The following NSMF variants were observed in gnomAD, a reference collection of about 807,000 sequenced individuals.
NSMF encodes the protein NMDA receptor synaptonuclear signaling and neuronal migration factor, also known as nasal embryonic LHRH factor.
A neutral mutation model predicts 71.0 loss-of-function variants in NSMF; 31 were observed. The ratio of observed to expected loss-of-function variants is 0.44; its 90% CI spans 0.33 to 0.59. The LOEUF is 0.59. NSMF is among the 20% of genes least tolerant of loss of function. The probability of loss-of-function intolerance (pLI) is 0.04; values close to 1 mark genes in which losing one functional copy is unlikely to be tolerated. For missense variants in NSMF, 673 were observed against 740.5 expected, an observed-to-expected ratio of 0.91 and a Z score of 1.06; for synonymous variants, 345 against 287.1, an observed-to-expected ratio of 1.20 and a Z score of -2.04.
chr9:137,455,059 A>G, intron 6 of NSMF, 180 bp downstream of exon 6: 3 of 762,874 alleles, frequency 3.9e-6, no homozygotes, highest in South Asian at 2.9e-5. Context: ...ACTGAGGGTG[A>G]GATGCTTTCC....
chr9:137,457,392 A>C lies in NSMF; in HGVS notation c.628+15T>G, dbSNP rs1469548079. The C allele has an allele frequency of 2.5e-6, 4 of 1,612,720 alleles. No homozygotes were observed. The highest frequency in any genetic ancestry group is 3.4e-6 in the Non-Finnish European group (4 of 1,179,966). On this transcript the variant is annotated intron_variant, in intron 3 of 15. Coordinates refer to ENST00000371475, the MANE Select transcript of NSMF (RefSeq NM_001130969.3). ...CACCCCCAAACCTGTCTATGCCCTG[A>C]CACAAACCCCTCACCAGACACACGG...
rs1831041305 is a variant in NSMF at position 137,459,091 on chromosome 9, G to A, written c.12C>T (p.Ala4=). The change falls in exon 1 of 16, where the codon GCC becomes GCT. Residue 4 remains alanine (A), a synonymous_variant. Transcript: ENST00000371475. The part of the protein sequence containing the change: MGA[A]ASRRRALRSE... ...TCCTCAGCGCCCTCCTCCTGGAGGCGGCGGCGCCCATGGTCGAGGCGGCGG... is the reference window on the plus strand; with the variant it reads ...TCCTCAGCGCCCTCCTCCTGGAGGCAGCGGCGCCCATGGTCGAGGCGGCGG... 2 of 1,255,086 alleles carry A rather than the reference G, an allele frequency of 1.6e-6. No homozygotes were observed. Among genetic ancestry groups the A allele is most frequent in the Non-Finnish European group, 2.0e-6 (2 of 996,242 alleles). 77.7% of individuals were successfully genotyped at this position (1,255,086 alleles called of 1,614,324 possible).
In NSMF at chr9:137,457,540, C is replaced by T. The variant is rs1214372327; in HGVS notation, c.495G>A (p.Lys165=). The T allele has an allele frequency of 6.2e-7, 1 of 1,602,592 alleles. No individual in the cohort carries two copies. Residue 165 remains lysine, a synonymous_variant, in exon 3 of 16, where the codon AAG becomes AAA. Transcript: ENST00000371475. ...CCAGCTGGGCACATCCGGGGCACTC[C>T]TTGGAGCCCTGGCGGCTGCCCGCCC... is the stretch of plus-strand genomic sequence containing the variant. ...QSWAGSRQGS[K]ECPGCAQLAP...
rs1190103101 is a variant in NSMF, at chr9:137,453,993, T to TCTGAGAACACTGGGGCAGGGC, written c.833-194_833-174dup. ...AGGCTCGGTTGGTTCAGGGGCAGGATCTGAGAACACTGGGGCAGGGCCAGA... is the reference window on the plus strand; with the variant it reads ...AGGCTCGGTTGGTTCAGGGGCAGGATCTGAGAACACTGGGGCAGGGCCTGAGAACACTGGGGCAGGGCCAGA... On this transcript the variant is annotated intron_variant, in intron 7 of 15. Coordinates refer to ENST00000371475, the MANE Select transcript of NSMF (RefSeq NM_001130969.3). This position sits in a 1 kb window ranked among gnomAD's most constrained non-coding sequence, Gnocchi z 4.5. Among the ~76,000 whole-genome samples the TCTGAGAACACTGGGGCAGGGC allele has an allele frequency of 2.6e-5, 4 of 151,358 alleles. No individual in the cohort carries two copies. The highest frequency in any genetic ancestry group is 9.7e-5 in the African/African-American group (4 of 41,166).
chr9:137,448,546 G>T lies in NSMF; in HGVS notation c.*848C>A, dbSNP rs975790748. The T allele has an allele frequency of 3.9e-5, 6 of 152,238 alleles. No individual in the cohort carries two copies. Among genetic ancestry groups the T allele is most frequent in the Non-Finnish European group, 5.9e-5 (4 of 68,052 alleles). The allele number at this position is 152,238 out of a possible 1,614,324, so 9.4% of individuals were successfully genotyped here. On this transcript the variant is annotated 3_prime_UTR_variant, in exon 16 of 16. Transcript: ENST00000371475. This position sits in a 1 kb window ranked among gnomAD's most constrained non-coding sequence, Gnocchi z 5.3. ...CCAGCCCCAGCTGGGCCCCTGCCAA[G>T]CCCCAGGCCTGTGTGCTGGGATGGA... is the stretch of plus-strand genomic sequence containing the variant.
At chr9:137,454,611 G>A in intron 6 of NSMF, 168 bp from the exon 7 acceptor site, 1 of 1,542,982 alleles carries the variant, frequency 6.5e-7, no homozygotes, top group Admixed American at 2.0e-5. Flanking sequence ...ATCCCACCCA[G>A]TGCTCTTCCC....
Position 137,459,170 on chromosome 9 carries a change from G to A in NSMF, c.-68C>T. 9.1e-7 allele frequency: 1 copy of A among 1,093,598 alleles called. No homozygotes were observed. Among genetic ancestry groups the A allele is most frequent in the Non-Finnish European group, 1.1e-6 (1 of 889,842 alleles). 67.7% of individuals were successfully genotyped at this position (1,093,598 alleles called of 1,614,324 possible). On this transcript the variant is annotated 5_prime_UTR_variant, in exon 1 of 16. Transcript: ENST00000371475. ...CGCGCCCGCCGCCTCCGCCGGGGTA[G>A]CCGCGCCGCACCGGGGGTCGCGCTC...
At chr9:137,454,755 C>T (rs1424937708) in intron 6 of NSMF, 5 of 1,443,582 alleles carry the variant, frequency 3.5e-6, no homozygotes, top group Non-Finnish European at 4.6e-6. Context: ...CGCCCTGAGC[C>T]TCCACGCCCA....
At chr9:137,458,365 G>T in intron 2 of NSMF, 123 bp downstream of exon 2, 1 of 890,972 alleles carries the variant, frequency 1.1e-6, no homozygotes, top group Non-Finnish European at 1.8e-6. Flanking sequence ...AGGAAGCCAG[G>T]CCGGCAGGGC....
rs772028925 is a variant in NSMF at position 137,452,768 on chromosome 9, G to A, written c.1099C>T (p.Arg367Trp). The A allele has an allele frequency of 8.7e-6, 14 of 1,606,976 alleles. No individual in the cohort carries two copies. Among genetic ancestry groups the A allele is most frequent in the East Asian group, 4.5e-5 (2 of 44,648 alleles). ...ATGGGGATGATGGAGGGGTCATCCCGGCGGATGATAGTGGGGATGTACTCA... is the reference window on the plus strand; with the variant it reads ...ATGGGGATGATGGAGGGGTCATCCCAGCGGATGATAGTGGGGATGTACTCA... ...KAEYIPTIIR[R>W]DDPSIIPILY... is the part of the protein sequence containing the mutation. Residue 367 changes from arginine (R) to tryptophan (W), a missense_variant, in exon 10 of 16, where the codon CGG (arginine) becomes TGG (tryptophan). Coordinates refer to ENST00000371475, the MANE Select transcript of NSMF (RefSeq NM_001130969.3).
At chr9:137,450,341 T>G in intron 12 of NSMF, 86 bp from the exon 13 acceptor site, 1 of 1,153,266 alleles carries the variant, frequency 8.7e-7, no homozygotes, top group Non-Finnish European at 1.3e-6. Flanking sequence ...TGGGAGGTAG[T>G]TTTGGTCTTC....
intron 4 of NSMF, among the ~76,000 whole-genome samples, 200 bp downstream of exon 4, chr9:137,456,211 G>A (rs57548677): frequency 1.3e-5 from 2 of 152,074 alleles, no homozygotes; most frequent in Non-Finnish European, 2.9e-5. Context: ...TGTGTGTGGG[G>A]GGGGGGGCTG....
intron 1 of NSMF, 84 bp downstream of exon 1, chr9:137,458,947 CG>C: frequency 9.2e-7 from 1 of 1,091,632 alleles, no homozygotes; most frequent in Non-Finnish European, 1.2e-6. Flanking sequence ...CCCGGGAGCC[CG>C]GGGAGCACCG....
intron 12 of NSMF, 43 bp from the exon 13 acceptor site, chr9:137,450,298 C>A (rs181560463): frequency 2.6e-4 from 402 of 1,526,372 alleles, no homozygotes; most frequent in Non-Finnish European, 3.6e-4. Context: ...CCTTCCTCCC[C>A]CTCTCCGACA....
At chr9:137,454,937 A>T (rs932989114) in intron 6 of NSMF, 1 of 698,308 alleles carries the variant, frequency 1.4e-6, no homozygotes, top group African/African-American at 1.8e-5. Flanking sequence ...AAGGCCCAAC[A>T]TCCAAAACGG....
chr9:137,457,975 C>G, intron 2 of NSMF, 74 bp from the exon 3 acceptor site: 2 of 1,532,224 alleles, frequency 1.3e-6, no homozygotes, highest in Non-Finnish European at 1.7e-6. Flanking sequence ...AGGCCGAAGG[C>G]AGAGAACACC....
At chr9:137,458,035 C>T in intron 2 of NSMF, 134 bp from the exon 3 acceptor site, 1 of 1,295,540 alleles carries the variant, frequency 7.7e-7, no homozygotes, top group Non-Finnish European at 1.1e-6. Flanking sequence ...AAACCCTAGT[C>T]ACTGGCGTGT....
In NSMF at chr9:137,449,633, G is replaced by A. The variant is rs1250747841; in HGVS notation, c.1461C>T (p.Val487=). The change falls in exon 15 of 16, where the codon GTC becomes GTT. Residue 487 remains valine (V), a synonymous_variant. Transcript: ENST00000371475. The part of the protein sequence containing the change: ...NLRTLMTPYR[V]TFESPLELSA... ...AGAGCTCCAGGGGTGACTCGAAGGTGACCCTATAAGGAGTCATGAGGGTCC... is the reference window on the plus strand; with the variant it reads ...AGAGCTCCAGGGGTGACTCGAAGGTAACCCTATAAGGAGTCATGAGGGTCC... 2.5e-6 allele frequency: 4 copies of A among 1,612,572 alleles called. No homozygotes were observed. In the African/African-American group the frequency reaches 5.3e-5, roughly 22 times the overall value.
chr9:137,452,403 T>C lies in NSMF; in HGVS notation c.1198A>G (p.Lys400Glu). 1 of 1,612,424 alleles carries C rather than the reference T, an allele frequency of 6.2e-7. No individual in the cohort carries two copies. The highest frequency in any genetic ancestry group is 8.5e-7 in the Non-Finnish European group (1 of 1,179,840). ...EIERKLNVYH[K>E]GAKIWKMLIF... is the part of the protein sequence containing the mutation. ...AGCATTTTCCAGATCTTGGCTCCCT[T>C]GTGGTAGACGTTCAGCTTCCTCTCT... Residue 400 changes from lysine (K) to glutamate (E), a missense_variant, in exon 12 of 16, where the codon AAG (lysine) becomes GAG (glutamate). Lys to Glu is a moderately conservative substitution (Grantham distance 56). Around this residue, in one of 2 missense-constraint regions of NSMF, gnomAD observed 202 missense variants for 280.8 expected, o/e 0.72. Transcript: ENST00000371475.
Sources: gnomAD v4.1 joint callset for allele counts (sites outside exome capture counted in the v4.1 genomes callset) on GRCh38, gnomAD v4.1.1 for gene constraint, gnomAD v4.1.1 regional missense constraint, Gnocchi (gnomAD v3.1) non-coding constraint, MANE v1.5 for transcripts, NCBI Gene and HGNC (gene_info 2026-07-23, HGNC 2026-07-21) for gene names.